The following NASP variants were observed in gnomAD, a reference collection of about 807,000 sequenced individuals.
NASP encodes nuclear autoantigenic sperm protein, also known as NASP histone chaperone.
Under a neutral mutation model 89.5 loss-of-function variants are expected in NASP, and 24 were observed. The observed-to-expected ratio is 0.27, with a 90% confidence interval of 0.19 to 0.38. The LOEUF (loss-of-function observed/expected upper bound fraction) is 0.38, where lower values mean the gene tolerates loss of function less well. Ranked by LOEUF, NASP falls within the 10% of genes least tolerant of loss-of-function variation. NASP has a pLI of 1.00. For synonymous variants in NASP, 306 were observed against 324.7 expected (o/e 0.94, Z 0.62); for missense variants, 848 against 921.4 (o/e 0.92, Z 1.03).
chr1:45,591,133 T>C, intron 1 of NASP, 90 bp from the exon 2 acceptor site: 1 of 752,768 alleles, frequency 1.3e-6, no homozygotes, highest in South Asian at 2.0e-5. Flanking sequence ...AGCTCTTTTA[T>C]TCCTTTATAT....
Position 45,607,826 on chromosome 1 carries a change from G to A in NASP, c.915G>A (p.Lys305=). The A allele has an allele frequency of 6.2e-7, 1 of 1,614,180 alleles. No individual in the cohort carries two copies. Among genetic ancestry groups the A allele is most frequent in the South Asian group, 1.1e-5 (1 of 91,082 alleles). ...CAGAGTCTTTAGACCCGACAGTCAAGCCAGTGGATGTGGGTGGGGACGAGC... is the reference window on the plus strand; with the variant it reads ...CAGAGTCTTTAGACCCGACAGTCAAACCAGTGGATGTGGGTGGGGACGAGC... The part of the protein sequence containing the change: ...VEAESLDPTV[K]PVDVGGDEPE... Residue 305 remains lysine (K), a synonymous_variant, in exon 6 of 15, where the codon AAG becomes AAA. Transcript: ENST00000350030.
intron 14 of NASP, 100 bp downstream of exon 14, chr1:45,617,691 C>A: frequency 7.3e-7 from 1 of 1,374,746 alleles, no homozygotes; most frequent in South Asian, 1.5e-5. Context: ...CTTGAGCCTG[C>A]TAACGATTGT....
At position 45,618,168 on chromosome 1, in the gene NASP, G is replaced by T. The variant is rs201533946; in HGVS notation, c.*27G>T. 1 of 1,543,018 alleles carries T rather than the reference G, an allele frequency of 6.5e-7. No individual in the cohort carries two copies. The highest frequency in any genetic ancestry group is 8.8e-7 in the Non-Finnish European group (1 of 1,136,374). ...AGGGGGCACAGCCCTCCTCCCAAGG[G>T]AAAGTGTTTTTGTATATAATGTATT... On this transcript the variant is annotated 3_prime_UTR_variant, in exon 15 of 15. Coordinates refer to ENST00000350030, the MANE Select transcript of NASP (RefSeq NM_002482.4).
chr1:45,598,334 C>G (rs1218438723), intron 2 of NASP, among the ~76,000 whole-genome samples: 1 of 152,152 alleles, frequency 6.6e-6, no homozygotes, highest in Non-Finnish European at 1.5e-5. Flanking sequence ...CCATGCCCGG[C>G]TAATTTTGTA....
At chr1:45,584,997 G>T (rs1357331370) in intron 1 of NASP, among the ~76,000 whole-genome samples, 1 of 152,222 alleles carries the variant, frequency 6.6e-6, no homozygotes, top group African/African-American at 2.4e-5. Flanking sequence ...CGGACGTAAA[G>T]CGTCTTCAGG....
At chr1:45,602,200 C>A (rs1643862966) in intron 2 of NASP, 55 bp from the exon 3 acceptor site, 3 of 1,545,054 alleles carry the variant, frequency 1.9e-6, no homozygotes, top group South Asian at 1.2e-5. Flanking sequence ...AGCAGGTATT[C>A]AAAAAATACT....
rs575681545 is a variant in NASP, at chr1:45,589,479, A to G, written c.60-1744A>G. 3.3e-5 allele frequency among the ~76,000 whole-genome samples: 5 copies of G among 152,290 alleles called. No individual in the cohort carries two copies. The South Asian group carries it at 6.2e-4, about 19-fold the overall frequency. ...AAACAAATTACCAAGTAATTTCCCT[A>G]TCATTTCCTCTAGTACTTCTCTGGA... On this transcript the variant is annotated intron_variant, in intron 1 of 14. Transcript: ENST00000350030.
At chr1:45,584,406 C>T (rs940321044) in intron 1 of NASP, among the ~76,000 whole-genome samples, 5 of 152,228 alleles carry the variant, frequency 3.3e-5, no homozygotes, top group African/African-American at 1.2e-4. Context: ...CGGCGGTCGG[C>T]TGGCGCCCCC....
At chr1:45,601,773 T>TG (rs1643851207) in intron 2 of NASP, among the ~76,000 whole-genome samples, 1 of 141,884 alleles carries the variant, frequency 7.0e-6, no homozygotes, top group African/African-American at 2.7e-5. Context: ...TTTTTTTTTT[T>TG]GAGGTGGAGT....
chr1:45,607,384 A>C lies in NASP; in HGVS notation c.473A>C (p.Lys158Thr). Residue 158 changes from lysine to threonine, a missense_variant, in exon 6 of 15, where the codon AAA becomes ACA. Transcript: ENST00000350030. ...YDAMGEKEEA[K>T]KTEDKSLAKP... ...GCCATGGGAGAAAAAGAAGAAGCCA[A>C]AAAAACAGAAGACAAGTCTTTGGCA... 1 of 1,614,130 alleles carries C rather than the reference A, an allele frequency of 6.2e-7. No homozygotes were observed. Among genetic ancestry groups the C allele is most frequent in the Non-Finnish European group, 8.5e-7 (1 of 1,179,978 alleles).
chr1:45,604,616 T>C (rs1029077926), intron 3 of NASP, among the ~76,000 whole-genome samples: 10 of 152,216 alleles, frequency 6.6e-5, no homozygotes, highest in African/African-American at 2.4e-4. Flanking sequence ...AAAGGTCCTT[T>C]AACTATTCTG....
Position 45,615,119 on chromosome 1 carries a change from C to G in NASP, c.1773C>G (p.Gly591=). 6.2e-7 allele frequency: 1 copy of G among 1,614,150 alleles called. No individual in the cohort carries two copies. ...RLLAETHYQL[G]LAYGYNSQYD... is the part of the protein sequence containing the mutation. ...TTGCAGAGACCCACTACCAGCTGGG[C>G]TTGGCTTATGGGTACAACTCTCAGT... The change falls in exon 10 of 15, where the codon GGC becomes GGG. Residue 591 remains glycine, a synonymous_variant. Coordinates refer to ENST00000350030, the MANE Select transcript of NASP (RefSeq NM_002482.4).
chr1:45,596,948 A>G (rs1215955834), intron 2 of NASP, among the ~76,000 whole-genome samples: 3 of 151,982 alleles, frequency 2.0e-5, no homozygotes, highest in Non-Finnish European at 4.4e-5. Context: ...GCACTACTGC[A>G]CTCCAGCCTG....
intron 4 of NASP, 63 bp from the exon 5 acceptor site, chr1:45,606,419 G>A (rs1485618699): frequency 2.6e-6 from 3 of 1,171,842 alleles, no homozygotes; most frequent in Non-Finnish European, 3.8e-6. Flanking sequence ...TGTATTTTCT[G>A]TCTTAGAAAA....
Position 45,616,405 on chromosome 1 carries a change from G to GGT in NASP, c.2079+14_2079+15dup. 1 of 1,613,850 alleles carries GGT rather than the reference G, an allele frequency of 6.2e-7. No individual in the cohort carries two copies. Among genetic ancestry groups the GGT allele is most frequent in the Non-Finnish European group, 8.5e-7 (1 of 1,179,778 alleles). ...CTTCAGTCTCCATGGTGCGTATTCA[G>GGT]GTGGTTTTTTGGTCACTTACATTAA... On this transcript the variant is annotated intron_variant, in intron 12 of 14. Coordinates refer to ENST00000350030, the MANE Select transcript of NASP (RefSeq NM_002482.4).
intron 7 of NASP, 42 bp downstream of exon 7, chr1:45,613,290 G>C (rs1644048036): frequency 6.4e-7 from 1 of 1,568,256 alleles, no homozygotes. Context: ...GCCTTTTTCT[G>C]TTTTTGGGAG....
Position 45,608,007 on chromosome 1 carries a change from A to G in NASP, c.1096A>G (p.Lys366Glu). 4 of 1,614,074 alleles carry G rather than the reference A, an allele frequency of 2.5e-6. No individual in the cohort carries two copies. The highest frequency in any genetic ancestry group is 3.4e-6 in the Non-Finnish European group (4 of 1,179,948). Residue 366 changes from lysine to glutamate, a missense_variant, in exon 6 of 15, where the codon AAG (lysine) becomes GAG (glutamate). Coordinates refer to ENST00000350030, the MANE Select transcript of NASP (RefSeq NM_002482.4). ...AGAGGCTGGATCAGAAGTCTCTGAA[A>G]AGCCTGGGCAGGAGGCTCCAGTTCT... is the stretch of plus-strand genomic sequence containing the variant. Reference protein sequence around the residue: ...AVEAGSEVSEKPGQEAPVLPK... With the variant: ...AVEAGSEVSEEPGQEAPVLPK...
At chr1:45,596,887 G>T (rs1181206787) in intron 2 of NASP, among the ~76,000 whole-genome samples, 1 of 152,158 alleles carries the variant, frequency 6.6e-6, no homozygotes, top group Non-Finnish European at 1.5e-5. Context: ...AGTGGCTGAG[G>T]CAGGAGAATC....
chr1:45,606,605 C>G lies in NASP; in HGVS notation c.409+14C>G. The G allele has an allele frequency of 6.6e-7, 1 of 1,525,860 alleles. No homozygotes were observed. The highest frequency in any genetic ancestry group is 9.1e-7 in the Non-Finnish European group (1 of 1,099,800). The allele number at this position is 1,525,860 out of a possible 1,614,324, so 94.5% of individuals were successfully genotyped here. A position where few individuals can be genotyped will look rare whatever the true frequency, so the allele number is the denominator to read the frequency against. ...ATAACATAGATGGTATGTGGAGTTG[C>G]ATGTGACATTCAAGAGATGCGACGT... On this transcript the variant is annotated intron_variant, in intron 5 of 14. Transcript: ENST00000350030.
Sources: allele counts gnomAD v4.1 joint callset (sites outside exome capture counted in the v4.1 genomes callset), GRCh38; gene constraint gnomAD v4.1.1; transcripts MANE v1.5; gene names NCBI Gene and HGNC (gene_info 2026-07-23, HGNC 2026-07-21).